Variants in TAAR8 observed in about 807,000 individuals in gnomAD.
The protein encoded by TAAR8 is trace amine associated receptor 8, also known as trace amine-associated receptor 8.
For synonymous variants in TAAR8, 157 were observed against 152.7 expected (o/e 1.03, Z -0.21); for missense variants, 459 against 405.8 (o/e 1.13, Z -1.13).
exon 1 of TAAR8, chr6:132,553,404 G>C (rs766815987): frequency 1.2e-6 from 2 of 1,614,120 alleles, no homozygotes; most frequent in South Asian, 2.2e-5. Context: ...TAGCAAAGTA[G>C]AATCATCCTC....
exon 1 of TAAR8, chr6:132,553,150 G>T (rs8192626): frequency 6.8e-6 from 11 of 1,614,126 alleles, no homozygotes; most frequent in Non-Finnish European, 9.3e-6. Context: ...ATTTGCATCA[G>T]CGTGTCCTGG....
At chr6:132,552,908 T>C in exon 1 of TAAR8, 1 of 1,614,238 alleles carries the variant, frequency 6.2e-7, no homozygotes, top group Non-Finnish European at 8.5e-7. Flanking sequence ...TCATTGCCTC[T>C]CTGGCCTGTG....
At chr6:132,553,287 T>C (rs1167776333) in exon 1 of TAAR8, 1 of 1,614,162 alleles carries the variant, frequency 6.2e-7, no homozygotes, top group South Asian at 1.1e-5. Context: ...AGGCTGGGTG[T>C]TGATAGATTT....
At chr6:132,553,550 G>C in exon 1 of TAAR8, 2 of 1,613,964 alleles carry the variant, frequency 1.2e-6, no homozygotes, top group Non-Finnish European at 1.7e-6. Flanking sequence ...TGGGCTTCCT[G>C]ACCCCTGCCT....
Position 132,553,064 on chromosome 6 carries a change from C to T in TAAR8, c.372C>T (p.Phe124=), listed in dbSNP as rs749782015. The T allele has an allele frequency of 3.1e-6, 5 of 1,614,220 alleles. No homozygotes were observed. In the South Asian group the frequency reaches 5.5e-5, roughly 18 times the overall value. ...ACTCTTCTGTCCTCCACTTGTGCTTCATCTGCATCGACAGGTACATTGTGG... is the reference window on the plus strand; with the variant it reads ...ACTCTTCTGTCCTCCACTTGTGCTTTATCTGCATCGACAGGTACATTGTGG... Residue 124 remains phenylalanine, a synonymous_variant, in exon 1 of 1, where the codon TTC becomes TTT. Coordinates refer to ENST00000275200, the Ensembl canonical transcript of TAAR8.
In TAAR8 at chr6:132,553,178, C is replaced by G; in HGVS notation, c.486C>G (p.Tyr162Ter). 1 of 1,614,126 alleles carries G rather than the reference C, an allele frequency of 6.2e-7. No individual in the cohort carries two copies. The highest frequency in any genetic ancestry group is 8.5e-7 in the Non-Finnish European group (1 of 1,180,028). ...TGTCCTGGATTCTGCCTCTCACGTACAGCGGTGCTGTGTTCTACACAGGTG... is the reference window on the plus strand; with the variant it reads ...TGTCCTGGATTCTGCCTCTCACGTAGAGCGGTGCTGTGTTCTACACAGGTG... The change falls in exon 1 of 1, where the codon TAC (tyrosine) becomes TAG (stop). Residue 162 changes from tyrosine (Y) to a stop codon, truncating the protein, a stop_gained. Coordinates refer to ENST00000275200, the Ensembl canonical transcript of TAAR8. LOFTEE classifies it low-confidence loss of function (END_TRUNC).
chr6:132,552,922 A>C, exon 1 of TAAR8: 1 of 1,614,126 alleles, frequency 6.2e-7, no homozygotes, highest in Non-Finnish European at 8.5e-7. Flanking sequence ...GCCTGTGCTG[A>C]CTTCTTGGTA....
downstream of TAAR8, chr6:132,553,731 C>A (rs755693337): frequency 2.1e-6 from 3 of 1,422,652 alleles, no homozygotes; most frequent in East Asian, 2.5e-5. Flanking sequence ...AGTTTAAGCA[C>A]TAAGTTGAGA....
Position 132,553,704 on chromosome 6 carries a change from A to G in TAAR8, c.1012A>G (p.Ser338Gly), listed in dbSNP as rs765218539. Reference sequence around the variant, plus strand: ...TTTAAAGGCTAGTTCATCAACCATTAGTTTATTTTTAGAATAAGTTTAAGC... The same window carrying G: ...TTTAAAGGCTAGTTCATCAACCATTGGTTTATTTTTAGAATAAGTTTAAGC... Residue 338 changes from serine to glycine, a missense_variant, in exon 1 of 1, where the codon AGT (serine) becomes GGT (glycine). Coordinates refer to ENST00000275200, the Ensembl canonical transcript of TAAR8. The G allele has an allele frequency of 9.0e-6, 14 of 1,551,864 alleles. No homozygotes were observed. The highest frequency in any genetic ancestry group is 1.2e-5 in the Non-Finnish European group (14 of 1,153,550).
At chr6:132,553,519 A>T in exon 1 of TAAR8, 1 of 1,614,042 alleles carries the variant, frequency 6.2e-7, no homozygotes, top group Non-Finnish European at 8.5e-7. Flanking sequence ...TATACAGTTG[A>T]TATATTAATT....
Position 132,552,785 on chromosome 6 carries a change from G to A in TAAR8, c.93G>A (p.Arg31=), listed in dbSNP as rs755658505. 5 of 1,614,162 alleles carry A rather than the reference G, an allele frequency of 3.1e-6. No individual in the cohort carries two copies. In the South Asian group the frequency reaches 3.3e-5, roughly 11 times the overall value. ...AAACTCCCTATTCTCCTGGGTCCCG[G>A]GTAATTCTGTACACGGCGTTTAGCT... The change falls in exon 1 of 1, where the codon CGG becomes CGA. Residue 31 remains arginine (R), a synonymous_variant. Transcript: ENST00000275200.
chr6:132,553,092 A>G, exon 1 of TAAR8: 1 of 1,614,186 alleles, frequency 6.2e-7, no homozygotes, highest in Non-Finnish European at 8.5e-7. Context: ...CATTGTGGTT[A>G]CTGATCCCCT....
exon 1 of TAAR8, chr6:132,553,513 C>G: frequency 1.2e-6 from 2 of 1,614,050 alleles, no homozygotes; most frequent in East Asian, 2.2e-5. Context: ...TTACCGTATA[C>G]AGTTGATATA....
rs1562357094 is a variant in TAAR8 at position 132,553,612 on chromosome 6, C to T, written c.920C>T (p.Pro307Leu). The T allele has an allele frequency of 6.2e-7, 1 of 1,613,994 alleles. No individual in the cohort carries two copies. Among genetic ancestry groups the T allele is most frequent in the Admixed American group, 1.7e-5 (1 of 60,016 alleles). The change falls in exon 1 of 1, where the codon CCT becomes CTT. Residue 307 changes from proline to leucine, a missense_variant. By Grantham distance (98) the Pro-to-Leu change is moderately conservative. Transcript: ENST00000275200. ...GCTTATTATAACTCAGCCATGAATCCTTTGATTTATGCTCTATTTTATCCT... is the reference window on the plus strand; with the variant it reads ...GCTTATTATAACTCAGCCATGAATCTTTTGATTTATGCTCTATTTTATCCT...
Position 132,553,440 on chromosome 6 carries a change from AAG to A in TAAR8, c.757_758del (p.Arg253GlufsTer4). The A allele has an allele frequency of 6.2e-7, 1 of 1,612,664 alleles. No individual in the cohort carries two copies. The highest frequency in any genetic ancestry group is 8.5e-7 in the Non-Finnish European group (1 of 1,179,786). ...AGAGAGTTATAAAATCAGAGTGGCC[AAG>A]AGAGAGAGGAAAGCAGCTAAAACCC... On this transcript the variant is annotated frameshift_variant, in exon 1 of 1. Coordinates refer to ENST00000275200, the Ensembl canonical transcript of TAAR8. LOFTEE classifies it low-confidence loss of function (END_TRUNC).
At chr6:132,552,836 A>G in exon 1 of TAAR8, 2 of 1,614,096 alleles carry the variant, frequency 1.2e-6, no homozygotes, top group Non-Finnish European at 1.7e-6. Context: ...CTGTATTTGG[A>G]AATCTCTTAG....
exon 1 of TAAR8, chr6:132,553,653 A>G: frequency 6.2e-7 from 1 of 1,612,196 alleles, no homozygotes; most frequent in Non-Finnish European, 8.5e-7. Context: ...TAGGAAAGCC[A>G]TAAAACTTAT....
In TAAR8 at chr6:132,553,616, G is replaced by A. The variant is rs867100348; in HGVS notation, c.924G>A (p.Leu308=). The A allele has an allele frequency of 3.1e-6, 5 of 1,613,820 alleles. No individual in the cohort carries two copies. In the Middle Eastern group the frequency reaches 4.9e-4, roughly 159 times the overall value. Reference sequence around the variant, plus strand: ...ATTATAACTCAGCCATGAATCCTTTGATTTATGCTCTATTTTATCCTTGGT... The same window carrying A: ...ATTATAACTCAGCCATGAATCCTTTAATTTATGCTCTATTTTATCCTTGGT... Residue 308 remains leucine, a synonymous_variant, in exon 1 of 1, where the codon TTG becomes TTA. Coordinates refer to ENST00000275200, the Ensembl canonical transcript of TAAR8.
At chr6:132,552,839 T>C in exon 1 of TAAR8, 1 of 1,614,206 alleles carries the variant, frequency 6.2e-7, no homozygotes, top group Non-Finnish European at 8.5e-7. Flanking sequence ...TATTTGGAAA[T>C]CTCTTAGTAA....
Sources: allele counts gnomAD v4.1 joint callset, GRCh38; gene constraint gnomAD v4.1.1; transcripts MANE v1.5; gene names NCBI Gene and HGNC (gene_info 2026-07-23, HGNC 2026-07-21).